PCDH15: variants seen among roughly 807,000 people sequenced by gnomAD.
PCDH15 encodes the protein protocadherin related 15.
Under a neutral mutation model 178.5 loss-of-function variants are expected in PCDH15, and 129 were observed. The observed-to-expected ratio is 0.72, with a 90% confidence interval of 0.63 to 0.84. PCDH15 has a LOEUF of 0.84. Among genes scored for constraint, PCDH15 ranks in the 40% least tolerant of loss-of-function variants. The probability of loss-of-function intolerance (pLI) is 0.00; values close to 1 mark genes in which losing one functional copy is unlikely to be tolerated. For synonymous variants in PCDH15, 800 were observed against 732.0 expected, an observed-to-expected ratio of 1.09 and a Z score of -1.50; for missense variants, 2,230 against 2,099.9, an observed-to-expected ratio of 1.06 and a Z score of -1.21.
At chr10:54,392,183 G>T (rs556684431) in intron 3 of PCDH15, among the ~76,000 whole-genome samples, 4 of 151,946 alleles carry the variant, frequency 2.6e-5, no homozygotes, top group Non-Finnish European at 5.9e-5. Context: ...GTACTAATTT[G>T]GCCGGGCATG....
chr10:54,183,355 T>A (rs2048182142), intron 13 of PCDH15, 89 bp downstream of exon 13: 2 of 1,264,482 alleles, frequency 1.6e-6, no homozygotes, highest in Non-Finnish European at 2.3e-6. Flanking sequence ...TCAATTTCTG[T>A]TTCTTAAGTA....
chr10:54,182,045 C>T (rs531957478), intron 13 of PCDH15, among the ~76,000 whole-genome samples: 28 of 152,178 alleles, frequency 1.8e-4, no homozygotes, highest in African/African-American at 6.5e-4. Flanking sequence ...GCAATCTCCA[C>T]CTCCTGGGTT....
intron 2 of PCDH15, among the ~76,000 whole-genome samples, chr10:55,043,526 CAGTG>C (rs1365395852): frequency 6.6e-6 from 1 of 151,696 alleles, no homozygotes; most frequent in African/African-American, 2.4e-5. Flanking sequence ...CTGGGCAACA[CAGTG>C]AGATCCCGTC....
intron 2 of PCDH15, among the ~76,000 whole-genome samples, chr10:54,901,622 A>T (rs2131825876): frequency 6.6e-6 from 1 of 152,258 alleles, no homozygotes; most frequent in Non-Finnish European, 1.5e-5. Flanking sequence ...TCTAACATGT[A>T]GTCAATGTAA....
chr10:55,067,487 A>G (rs1480727263), intron 2 of PCDH15, among the ~76,000 whole-genome samples: 1 of 152,186 alleles, frequency 6.6e-6, no homozygotes, highest in South Asian at 2.1e-4. Flanking sequence ...TCATGGGTAG[A>G]CACTTAGGTT....
intron 1 of PCDH15, among the ~76,000 whole-genome samples, chr10:55,219,803 G>A (rs1221177954): frequency 6.6e-6 from 1 of 151,336 alleles, no homozygotes; most frequent in Non-Finnish European, 1.5e-5. Flanking sequence ...AAAATAAGGA[G>A]CTGAAGAACT....
chr10:54,043,040 C>A (rs2093582277), intron 18 of PCDH15, among the ~76,000 whole-genome samples: 1 of 152,068 alleles, frequency 6.6e-6, no homozygotes, highest in Admixed American at 6.6e-5. Flanking sequence ...GCTTACTGTA[C>A]AGGAGTTCAG....
chr10:53,972,017 C>T (rs184609892), intron 21 of PCDH15, among the ~76,000 whole-genome samples: 9 of 152,204 alleles, frequency 5.9e-5, no homozygotes, highest in African/African-American at 1.2e-4. Flanking sequence ...GGAGGTATCA[C>T]GCTACCTGAC....
chr10:55,603,015 A>G (rs1267076739), intron 2 of PCDH15, among the ~76,000 whole-genome samples: 1 of 152,110 alleles, frequency 6.6e-6, no homozygotes. Flanking sequence ...ATGTATAACT[A>G]GAATAACCAA....
intron 2 of PCDH15, among the ~76,000 whole-genome samples, chr10:55,448,865 G>C (rs1230168284): frequency 6.6e-6 from 1 of 151,932 alleles, no homozygotes; most frequent in Non-Finnish European, 1.5e-5. Context: ...TCATTCTACT[G>C]AGATTAAGAA....
At chr10:54,600,020 A>G in intron 2 of PCDH15, 1 of 1,346,410 alleles carries the variant, frequency 7.4e-7, no homozygotes, top group Non-Finnish European at 1.0e-6. Flanking sequence ...GCAAAGTCAA[A>G]AGCAGAAGTG....
chr10:55,520,509 ATGTG>A (rs1283132197), intron 2 of PCDH15, among the ~76,000 whole-genome samples: 1 of 128,580 alleles, frequency 7.8e-6, no homozygotes, highest in African/African-American at 2.7e-5. Flanking sequence ...GTGTGTGTAT[ATGTG>A]TGTGTGTGTG....
At chr10:55,359,575 C>G (rs1461963530) in intron 2 of PCDH15, among the ~76,000 whole-genome samples, 1 of 151,514 alleles carries the variant, frequency 6.6e-6, no homozygotes, top group Non-Finnish European at 1.5e-5. Flanking sequence ...AGAAATCCCA[C>G]AACTGGGAAT....
intron 15 of PCDH15, among the ~76,000 whole-genome samples, chr10:54,128,544 G>A (rs925087352): frequency 1.3e-5 from 2 of 152,044 alleles, no homozygotes; most frequent in Non-Finnish European, 2.9e-5. Context: ...GAATTTCTTT[G>A]GGATTTTCTT....
At chr10:54,724,256 G>A (rs994683539) in intron 1 of PCDH15, among the ~76,000 whole-genome samples, 1 of 113,328 alleles carries the variant, frequency 8.8e-6, no homozygotes, top group Non-Finnish European at 2.0e-5. Context: ...TGGAACTAGA[G>A]GTCATTATCC....
intron 3 of PCDH15, among the ~76,000 whole-genome samples, chr10:54,518,310 G>A (rs557448305): frequency 2.7e-4 from 41 of 151,966 alleles, no homozygotes; most frequent in South Asian, 1.0e-3. Context: ...TTGATAGACC[G>A]CTAGCAAGAC....
chr10:54,891,426 T>A (rs1954460397), intron 3 of PCDH15, among the ~76,000 whole-genome samples: 1 of 152,134 alleles, frequency 6.6e-6, no homozygotes, highest in South Asian at 2.1e-4. Flanking sequence ...CTGAGATTAT[T>A]ACAGTTTCTA....
intron 23 of PCDH15, among the ~76,000 whole-genome samples, chr10:53,943,333 G>A (rs996450594): frequency 6.6e-6 from 1 of 151,792 alleles, no homozygotes; most frequent in African/African-American, 2.4e-5. Context: ...AAAATTAGCC[G>A]GTTGTGGTGG....
At chr10:55,335,933 G>C (rs1345997118) in intron 2 of PCDH15, among the ~76,000 whole-genome samples, 2 of 151,736 alleles carry the variant, frequency 1.3e-5, no homozygotes, top group Non-Finnish European at 2.9e-5. Context: ...AATGACCTTG[G>C]GGTGGTACCC....
Sources: allele counts gnomAD v4.1 joint callset (sites outside exome capture counted in the v4.1 genomes callset), GRCh38; gene constraint gnomAD v4.1.1; transcripts MANE v1.5; gene names NCBI Gene and HGNC (gene_info 2026-07-23, HGNC 2026-07-21).